PATJ: variants seen among roughly 807,000 people sequenced by gnomAD.
PATJ encodes the protein PATJ crumbs cell polarity complex component.
In PATJ, 190 loss-of-function variants were observed where a neutral mutation model predicts 224.9. The ratio of observed to expected loss-of-function variants is 0.84; its 90% CI spans 0.75 to 0.95. The LOEUF is 0.95. Among genes scored for constraint, PATJ ranks in the 40% least tolerant of loss-of-function variants. The pLI is 0.00. For missense variants in PATJ, 2,121 were observed against 2,270.3 expected (o/e 0.93, Z 1.34); for synonymous variants, 769 against 820.3 (o/e 0.94, Z 1.07).
chr1:62,124,759 C>T (rs1343984463), intron 39 of PATJ, among the ~76,000 whole-genome samples: 1 of 152,174 alleles, frequency 6.6e-6, no homozygotes, highest in Non-Finnish European at 1.5e-5. Context: ...CACTCATCAT[C>T]CCTGGTGTCT....
chr1:61,934,724 G>C (rs79511572), intron 27 of PATJ, among the ~76,000 whole-genome samples: 1,880 of 152,144 alleles, frequency 0.012, 31 homozygotes, highest in South Asian at 0.063. Context: ...AACACTCTAA[G>C]TTCCATGAGG....
intron 27 of PATJ, among the ~76,000 whole-genome samples, chr1:61,978,474 A>G (rs1644271443): frequency 1.3e-5 from 2 of 151,974 alleles, no homozygotes; most frequent in Admixed American, 1.3e-4. Flanking sequence ...CGTGTTGGTC[A>G]GGCTGGTCTC....
intron 7 of PATJ, among the ~76,000 whole-genome samples, chr1:61,780,673 A>G (rs1647202452): frequency 6.6e-6 from 1 of 151,802 alleles, no homozygotes; most frequent in Non-Finnish European, 1.5e-5. Context: ...TTTTTTTCCA[A>G]AATGCAAAGT....
At chr1:61,786,129 C>T (rs1264439385) in intron 7 of PATJ, among the ~76,000 whole-genome samples, 2 of 152,194 alleles carry the variant, frequency 1.3e-5, no homozygotes, top group African/African-American at 2.4e-5. Context: ...TCAAGTGATT[C>T]GCATGCCTCA....
At chr1:61,867,924 A>G (rs1490551643) in intron 20 of PATJ, among the ~76,000 whole-genome samples, 1 of 152,206 alleles carries the variant, frequency 6.6e-6, no homozygotes, top group African/African-American at 2.4e-5. Context: ...AATTCCCAAT[A>G]CTATTCTAGA....
At chr1:61,788,100 A>AT in intron 8 of PATJ, 128 bp downstream of exon 8, 1 of 666,552 alleles carries the variant, frequency 1.5e-6, no homozygotes, top group East Asian at 2.7e-5. Flanking sequence ...AAACAGGAAA[A>AT]AAAAAACTTA....
intron 14 of PATJ, among the ~76,000 whole-genome samples, chr1:61,813,528 A>G (rs1570659486): frequency 6.6e-6 from 1 of 151,664 alleles, no homozygotes; most frequent in Non-Finnish European, 1.5e-5. Context: ...TCATTCATCA[A>G]ATATGTATTA....
chr1:62,083,635 A>G (rs1659568320), intron 32 of PATJ, among the ~76,000 whole-genome samples: 1 of 152,032 alleles, frequency 6.6e-6, no homozygotes, highest in African/African-American at 2.4e-5. Flanking sequence ...TCCTCTATGA[A>G]CCCCGCAAGT....
intron 1 of PATJ, among the ~76,000 whole-genome samples, chr1:61,759,582 G>A (rs1645847168): frequency 6.6e-6 from 1 of 152,006 alleles, no homozygotes; most frequent in African/African-American, 2.4e-5. Context: ...GCAAATTTTT[G>A]TGTTTTTAGT....
At chr1:62,117,065 C>T in intron 36 of PATJ, 67 bp from the exon 37 acceptor site, 1 of 1,306,494 alleles carries the variant, frequency 7.7e-7, no homozygotes, top group Non-Finnish European at 1.1e-6. Context: ...GGGAGAGGCT[C>T]TGTTAAGATA....
In PATJ at chr1:61,882,469, G is replaced by A. The variant is rs75076126; in HGVS notation, c.2960-1768G>A. Among the ~76,000 whole-genome samples the A allele has an allele frequency of 5.9e-3, 899 of 152,182 alleles. 14 individuals are homozygous for A. The highest frequency in any genetic ancestry group is 0.021 in the African/African-American group (854 of 41,488). ...TAAGAAATTGTCTGCAGAGGTAATCGCGATTTGGTTTATAGTCTTCCAAAT... is the reference window on the plus strand; with the variant it reads ...TAAGAAATTGTCTGCAGAGGTAATCACGATTTGGTTTATAGTCTTCCAAAT... On this transcript the variant is annotated intron_variant, in intron 21 of 43. Transcript: ENST00000642238.
chr1:61,743,713 G>C (rs1015523723), intron 1 of PATJ, among the ~76,000 whole-genome samples: 2 of 152,176 alleles, frequency 1.3e-5, no homozygotes, highest in Admixed American at 1.3e-4. Flanking sequence ...GTGAGATTGA[G>C]CCTTTTAGCT....
chr1:61,755,308 C>CA (rs570167460), intron 1 of PATJ, among the ~76,000 whole-genome samples: 849 of 81,254 alleles, frequency 0.01, 4 homozygotes, highest in African/African-American at 0.028. Context: ...GACTCTGTCT[C>CA]AAAAAAAAAA....
At chr1:62,137,568 G>A (rs1239569353) in intron 41 of PATJ, among the ~76,000 whole-genome samples, 1 of 111,798 alleles carries the variant, frequency 8.9e-6, no homozygotes, top group African/African-American at 3.5e-5. Context: ...ACAGAGTGAG[G>A]GGGGACAGAG....
chr1:61,785,884 A>T (rs1648403296), intron 7 of PATJ, among the ~76,000 whole-genome samples: 1 of 152,122 alleles, frequency 6.6e-6, no homozygotes, highest in East Asian at 1.9e-4. Flanking sequence ...TGCAAGACCA[A>T]CTTGGGCAAC....
intron 22 of PATJ, among the ~76,000 whole-genome samples, chr1:61,885,984 A>T (rs1668769149): frequency 1.3e-5 from 2 of 151,818 alleles, no homozygotes; most frequent in African/African-American, 4.8e-5. Context: ...CAATGAGAAC[A>T]CATGGACACA....
rs541946502 is a variant in PATJ, at chr1:61,746,924, G to T, written c.-36+4369G>T. On this transcript the variant is annotated intron_variant, in intron 1 of 43. Coordinates refer to ENST00000642238, the MANE Select transcript of PATJ (RefSeq NM_001350145.3). ...ATAGTGAATTCACATTTAGAACCTT[G>T]TGATTCTGAGACAATGACTCAGCAT... is the stretch of plus-strand genomic sequence containing the variant. 4.1e-4 allele frequency among the ~76,000 whole-genome samples: 62 copies of T among 152,290 alleles called. 2 individuals carry two copies. In the South Asian group the frequency reaches 6.8e-3, roughly 17 times the overall value.
At chr1:61,785,232 C>G (rs982151093) in intron 7 of PATJ, among the ~76,000 whole-genome samples, 2 of 152,170 alleles carry the variant, frequency 1.3e-5, no homozygotes, top group Non-Finnish European at 2.9e-5. Flanking sequence ...AGCTTTCTCT[C>G]CATGTTGCAG....
chr1:62,051,013 C>T lies in PATJ; in HGVS notation c.4080C>T (p.Val1360=), dbSNP rs748903084. Residue 1360 remains valine (V), a synonymous_variant, in exon 31 of 44, where the codon GTC becomes GTT. Coordinates refer to ENST00000642238, the MANE Select transcript of PATJ (RefSeq NM_001350145.3). ...EPISSEEDGS[V]EVGIKQLPES... is the part of the protein sequence containing the mutation. ...TTAGTAGTGAGGAAGATGGCAGCGT[C>T]GAAGTTGGTATTAAACAATTGCCTG... 3.7e-6 allele frequency: 6 copies of T among 1,613,890 alleles called. No homozygotes were observed. In the African/African-American group the frequency reaches 5.3e-5, roughly 14 times the overall value.
Sources: gnomAD v4.1 joint callset for allele counts (sites outside exome capture counted in the v4.1 genomes callset) on GRCh38, gnomAD v4.1.1 for gene constraint, MANE v1.5 for transcripts, NCBI Gene and HGNC (gene_info 2026-07-23, HGNC 2026-07-21) for gene names.